The following MSH3 variants were observed in gnomAD, a reference collection of about 807,000 sequenced individuals.
MSH3 encodes the protein mutS homolog 3, also known as DNA mismatch repair protein Msh3.
In MSH3, 106 loss-of-function variants were observed where a neutral mutation model predicts 123.3. That is an observed-to-expected ratio of 0.86 (90% CI 0.73 to 1.01). The LOEUF (loss-of-function observed/expected upper bound fraction) is 1.01, where lower values mean the gene tolerates loss of function less well. MSH3 is among the 50% of genes least tolerant of loss of function. The pLI is 0.00. For missense variants in MSH3, 1,459 were observed against 1,347.6 expected (o/e 1.08, Z -1.29); for synonymous variants, 515 against 481.4 (o/e 1.07, Z -0.91).
chr5:80,772,335 T>C (rs1217518959), intron 15 of MSH3, among the ~76,000 whole-genome samples: 2 of 152,202 alleles, frequency 1.3e-5, no homozygotes, highest in African/African-American at 4.8e-5. Flanking sequence ...TAAAACATCC[T>C]TAAATTATTA....
rs1434940021 is a variant in MSH3 at position 80,686,764 on chromosome 5, G to C, written c.1340+7671G>C. ...AGTAGTTTCTTGTATCTCAGACTAAGTACCCCATTTTTTTCTTATGCTATA... is the reference window on the plus strand; with the variant it reads ...AGTAGTTTCTTGTATCTCAGACTAACTACCCCATTTTTTTCTTATGCTATA... On this transcript the variant is annotated intron_variant, in intron 8 of 23. Coordinates refer to ENST00000265081, the MANE Select transcript of MSH3 (RefSeq NM_002439.5). 2.0e-5 allele frequency among the ~76,000 whole-genome samples: 3 copies of C among 151,198 alleles called. No individual in the cohort carries two copies. The East Asian group carries it at 5.8e-4, about 29-fold the overall frequency.
At chr5:80,793,182 G>C (rs1258784599) in intron 19 of MSH3, among the ~76,000 whole-genome samples, 1 of 152,204 alleles carries the variant, frequency 6.6e-6, no homozygotes. Context: ...TCCATCCTTT[G>C]TACTGTGACT....
intron 20 of MSH3, among the ~76,000 whole-genome samples, chr5:80,844,157 C>A (rs1263932563): frequency 6.6e-6 from 1 of 151,928 alleles, no homozygotes; most frequent in Non-Finnish European, 1.5e-5. Flanking sequence ...TCATTATGTA[C>A]CCAGTAGTCA....
At chr5:80,873,034 T>G in intron 22 of MSH3, 82 bp from the exon 23 acceptor site, 1 of 1,215,642 alleles carries the variant, frequency 8.2e-7, no homozygotes, top group Non-Finnish European at 1.2e-6. Flanking sequence ...AATAAAGTTA[T>G]GAGAACTTAC....
At chr5:80,787,159 T>G (rs1021343193) in intron 17 of MSH3, among the ~76,000 whole-genome samples, 1 of 152,168 alleles carries the variant, frequency 6.6e-6, no homozygotes, top group Non-Finnish European at 1.5e-5. Flanking sequence ...TTGAAACTGT[T>G]ATTCCGGATT....
At chr5:80,763,779 A>C (rs1302202307) in intron 13 of MSH3, among the ~76,000 whole-genome samples, 3 of 152,190 alleles carry the variant, frequency 2.0e-5, no homozygotes, top group Admixed American at 6.5e-5. Context: ...CTTTACTTTG[A>C]TGTTTGTATT....
At chr5:80,711,641 T>G (rs1750861379) in intron 8 of MSH3, among the ~76,000 whole-genome samples, 2 of 152,066 alleles carry the variant, frequency 1.3e-5, no homozygotes, top group Non-Finnish European at 2.9e-5. Flanking sequence ...GACAGCACAT[T>G]TTCTTTTTTT....
At chr5:80,830,667 T>C (rs1437185724) in intron 20 of MSH3, among the ~76,000 whole-genome samples, 3 of 152,232 alleles carry the variant, frequency 2.0e-5, no homozygotes, top group Non-Finnish European at 2.9e-5. Flanking sequence ...AGTGGACTAC[T>C]AGCTATGTTA....
At chr5:80,705,015 T>G (rs1445398722) in intron 8 of MSH3, among the ~76,000 whole-genome samples, 2 of 152,206 alleles carry the variant, frequency 1.3e-5, no homozygotes, top group African/African-American at 4.8e-5. Flanking sequence ...ATGGCTCAGT[T>G]TCCCCATTCA....
At chr5:80,808,884 C>CTATATATATATATATATATAT (rs1561485262) in intron 19 of MSH3, among the ~76,000 whole-genome samples, 1 of 118,676 alleles carries the variant, frequency 8.4e-6, no homozygotes, top group Admixed American at 8.9e-5. Context: ...TATATATATA[C>CTATATATATATATATATATAT]ACAATCTAAA....
intron 20 of MSH3, among the ~76,000 whole-genome samples, chr5:80,848,673 T>G (rs1375896734): frequency 1.3e-5 from 2 of 152,310 alleles, no homozygotes; most frequent in East Asian, 3.9e-4. Flanking sequence ...TGAGACCCAT[T>G]CACTGTCATG....
At chr5:80,826,733 G>A (rs534161450) in intron 20 of MSH3, among the ~76,000 whole-genome samples, 53 of 152,118 alleles carry the variant, frequency 3.5e-4, no homozygotes, top group African/African-American at 1.2e-3. Flanking sequence ...ATTTTTAGTA[G>A]AGACGGAGTT....
At chr5:80,742,977 T>G (rs565093166) in intron 11 of MSH3, among the ~76,000 whole-genome samples, 2 of 152,220 alleles carry the variant, frequency 1.3e-5, no homozygotes, top group Admixed American at 6.5e-5. Flanking sequence ...ATTCCTTCCT[T>G]TATTGGACCT....
In MSH3 at chr5:80,697,872, G is replaced by A. The variant is rs1045438725; in HGVS notation, c.1340+18779G>A. 2.6e-5 allele frequency among the ~76,000 whole-genome samples: 4 copies of A among 152,226 alleles called. No individual in the cohort carries two copies. The South Asian group carries it at 8.3e-4, about 32-fold the overall frequency. ...GTTTATTTTATTAAATTGGATACCA[G>A]GAAATTCTAATTGATTTTTTTATAT... On this transcript the variant is annotated intron_variant, in intron 8 of 23. Coordinates refer to ENST00000265081, the MANE Select transcript of MSH3 (RefSeq NM_002439.5).
chr5:80,857,970 T>C (rs1376056347), intron 21 of MSH3, among the ~76,000 whole-genome samples: 2 of 152,078 alleles, frequency 1.3e-5, no homozygotes, highest in Non-Finnish European at 2.9e-5. Context: ...GAAGCTTAGA[T>C]TGTTTATTTT....
chr5:80,774,778 G>T (rs987259783), intron 15 of MSH3, among the ~76,000 whole-genome samples: 2 of 152,114 alleles, frequency 1.3e-5, no homozygotes, highest in African/African-American at 4.8e-5. Flanking sequence ...TTGAACTCAC[G>T]GAGATACAGA....
rs1260807695 is a variant in MSH3, at chr5:80,761,657, CTG to C, written c.1877_1878del (p.Cys626Ter). 1 of 1,613,956 alleles carries C rather than the reference CTG, an allele frequency of 6.2e-7. No individual in the cohort carries two copies. Among genetic ancestry groups the C allele is most frequent in the Non-Finnish European group, 8.5e-7 (1 of 1,180,008 alleles). ...AATTGCCCGACATAGAGAGGGGACT[CTG>C]TAGCATTTATCACAAAAAAGTAAGT... The part of the protein sequence containing the change: ...RKLPDIERGL[C>X]SIYHKKCSTQ... On this transcript the variant is annotated frameshift_variant, in exon 13 of 24. Coordinates refer to ENST00000265081, the MANE Select transcript of MSH3 (RefSeq NM_002439.5). LOFTEE classifies it high-confidence loss of function.
intron 2 of MSH3, among the ~76,000 whole-genome samples, chr5:80,660,535 T>C (rs770546503): frequency 5.3e-5 from 8 of 152,172 alleles, no homozygotes; most frequent in Non-Finnish European, 1.0e-4. Flanking sequence ...CAAAAATATA[T>C]TTTTAGCATA....
intron 20 of MSH3, among the ~76,000 whole-genome samples, chr5:80,853,739 G>GA (rs1472239734): frequency 6.6e-6 from 1 of 152,096 alleles, no homozygotes; most frequent in East Asian, 1.9e-4. Context: ...AGGAAACACT[G>GA]AAAAAAACCT....
Sources: gnomAD v4.1 joint callset for allele counts (sites outside exome capture counted in the v4.1 genomes callset) on GRCh38, gnomAD v4.1.1 for gene constraint, MANE v1.5 for transcripts, NCBI Gene and HGNC (gene_info 2026-07-23, HGNC 2026-07-21) for gene names.